CLCN4: variants seen among roughly 807,000 people sequenced by gnomAD.
The protein encoded by CLCN4 is H(+)/Cl(-) exchange transporter 4.
In CLCN4, 1 loss-of-function variant was observed where a neutral mutation model predicts 41.7. That is an observed-to-expected ratio of 0.02 (90% confidence interval 0.01 to 0.11). CLCN4 has a LOEUF of 0.11. Ranked by LOEUF, CLCN4 falls within the 10% of genes least tolerant of loss-of-function variation. The pLI, the probability that CLCN4 is intolerant of heterozygous loss-of-function variation, is 1.00. For synonymous variants in CLCN4, 277 were observed against 285.8 expected (o/e 0.97, Z 0.31); for missense variants, 287 against 661.0 (o/e 0.43, Z 6.20).
At position 10,224,248 on chromosome X, in the gene CLCN4, A is replaced by G. The variant is rs192703623; in HGVS notation, c.2192+3371A>G. Among the ~76,000 whole-genome samples, 38 of 109,406 alleles carry G rather than the reference A, an allele frequency of 3.5e-4. No individual in the cohort carries two copies. The Admixed American group carries it at 3.6e-3, about 10-fold the overall frequency. On this transcript the variant is annotated intron_variant, in intron 12 of 12. Coordinates refer to ENST00000380833, the MANE Select transcript of CLCN4 (RefSeq NM_001830.4). ...ATCTTTTGATACTGTCTCCAGGGTG[A>G]AGACAAGGAAACAAAAACCAGGATT...
At chrX:10,172,685 G>A (rs1314320184) in intron 2 of CLCN4, among the ~76,000 whole-genome samples, 1 of 52,702 alleles carries the variant, frequency 1.9e-5, no homozygotes, top group Non-Finnish European at 3.3e-5. Flanking sequence ...GAGGGCATGC[G>A]TGTGTGTGTG....
intron 9 of CLCN4, among the ~76,000 whole-genome samples, chrX:10,212,062 C>T (rs1924569781): frequency 9.0e-6 from 1 of 111,651 alleles, no homozygotes; most frequent in Non-Finnish European, 1.9e-5. Context: ...CCTTCTTTTC[C>T]ATTTTCATGC....
Position 10,176,208 on chromosome X carries a change from CT to C in CLCN4, c.-11-8813del, listed in dbSNP as rs779944588. On this transcript the variant is annotated intron_variant, in intron 2 of 12. Transcript: ENST00000380833. ...TTGGGAGGTGAGGGCCGCAAATGTG[CT>C]GGTAGCTCTGGTGCCTTGGACAGTG... 5.3e-5 allele frequency among the ~76,000 whole-genome samples: 6 copies of C among 112,358 alleles called. No homozygotes were observed. The Admixed American group carries it at 5.6e-4, about 11-fold the overall frequency.
intron 2 of CLCN4, among the ~76,000 whole-genome samples, chrX:10,161,140 TCTCTCTCTC>T (rs1923087241): frequency 9.3e-6 from 1 of 107,657 alleles, no homozygotes; most frequent in Non-Finnish European, 1.9e-5. Flanking sequence ...TCTCTCTCTC[TCTCTCTCTC>T]TCTCTCTCTC....
chrX:10,208,113 G>A lies in CLCN4; in HGVS notation c.912G>A (p.Thr304=), dbSNP rs1361783752. ...TCGCAGCCCTGGTGGCGGCCTTTAC[G>A]CTGAGATCCATCAATCCCTTTGGGA... ...SFFAALVAAF[T]LRSINPFGNS... The change falls in exon 9 of 13, where the codon ACG becomes ACA. Residue 304 remains threonine (T), a synonymous_variant. Transcript: ENST00000380833. The A allele has an allele frequency of 5.0e-6, 6 of 1,209,554 alleles. No homozygotes were observed. The highest frequency in any genetic ancestry group is 3.5e-5 in the African/African-American group (2 of 57,128).
intron 12 of CLCN4, among the ~76,000 whole-genome samples, chrX:10,223,965 T>C (rs1172815856): frequency 8.9e-6 from 1 of 111,923 alleles, no homozygotes; most frequent in African/African-American, 3.3e-5. Context: ...GGCTGGAAGT[T>C]CAAACACTTG....
chrX:10,164,582 T>C (rs892229490), intron 2 of CLCN4, among the ~76,000 whole-genome samples: 1 of 111,728 alleles, frequency 9.0e-6, no homozygotes, highest in Non-Finnish European at 1.9e-5. Context: ...GGAGGCCAGA[T>C]GGGGAGTGGC....
At chrX:10,230,657 A>T (rs1925105217) in intron 12 of CLCN4, among the ~76,000 whole-genome samples, 1 of 112,020 alleles carries the variant, frequency 8.9e-6, no homozygotes, top group Non-Finnish European at 1.9e-5. Flanking sequence ...CGCAAAGAAG[A>T]GTGCTAACAT....
rs1925181513 is a variant in CLCN4 at position 10,233,790 on chromosome X, T to A, written c.*206T>A. On this transcript the variant is annotated 3_prime_UTR_variant, in exon 13 of 13. Transcript: ENST00000380833. ...GGCATTTTATAGCTTTAACCCCGTA[T>A]GAGTTTCAAGCTGTGTTTCCTAATG... 1 of 395,943 alleles carries A rather than the reference T, an allele frequency of 2.5e-6. No homozygotes were observed. The highest frequency in any genetic ancestry group is 3.7e-5 in the South Asian group (1 of 27,289). 32.6% of individuals were successfully genotyped at this position (395,943 alleles called of 1,213,427 possible).
At chrX:10,197,083 G>T (rs1924114500) in intron 5 of CLCN4, among the ~76,000 whole-genome samples, 2 of 111,792 alleles carry the variant, frequency 1.8e-5, no homozygotes, top group South Asian at 7.4e-4. Context: ...TCTCTTTTCT[G>T]CCCCCTTTAC....
intron 2 of CLCN4, among the ~76,000 whole-genome samples, chrX:10,180,995 G>C (rs1414154458): frequency 9.1e-6 from 1 of 109,631 alleles, no homozygotes; most frequent in Non-Finnish European, 1.9e-5. Context: ...GTCTGACCAA[G>C]ACCTTGTGAA....
intron 11 of CLCN4, among the ~76,000 whole-genome samples, chrX:10,220,307 G>C (rs759537500): frequency 8.9e-6 from 1 of 112,187 alleles, no homozygotes; most frequent in Non-Finnish European, 1.9e-5. Flanking sequence ...TCCAGCCCAT[G>C]ATGAGGTGAA....
rs1259375232 is a variant in CLCN4 at position 10,175,945 on chromosome X, CCTCT to C, written c.-11-9054_-11-9051del. 1.9e-3 allele frequency among the ~76,000 whole-genome samples: 80 copies of C among 41,976 alleles called. 1 individual carries two copies. Among genetic ancestry groups the C allele is most frequent in the Non-Finnish European group, 2.1e-3 (49 of 23,053 alleles). The allele number at this position is 41,976 out of a possible 115,157, so 36.5% of individuals were successfully genotyped here. On this transcript the variant is annotated intron_variant, in intron 2 of 12. Transcript: ENST00000380833. The stretch of plus-strand genomic sequence containing the variant: ...CTCTCTCTCCCCCTCCCTCCCTCTC[CCTCT>C]CTCTCTCTCTCTCTCTCTCTCTGTG...
intron 10 of CLCN4, 139 bp from the exon 11 acceptor site, chrX:10,213,542 A>G (rs1924624578): frequency 5.3e-6 from 3 of 567,155 alleles, no homozygotes; most frequent in Non-Finnish European, 8.4e-6. Flanking sequence ...CCAGAGGCCC[A>G]GTGTAGGAAG....
At chrX:10,229,998 G>A (rs1275700027) in intron 12 of CLCN4, among the ~76,000 whole-genome samples, 1 of 112,443 alleles carries the variant, frequency 8.9e-6, no homozygotes, top group Non-Finnish European at 1.9e-5. Context: ...TACCCTTTGT[G>A]TTACAAACTA....
chrX:10,184,055 A>T (rs1260852423), intron 2 of CLCN4, among the ~76,000 whole-genome samples: 4 of 111,910 alleles, frequency 3.6e-5, no homozygotes, highest in Non-Finnish European at 7.5e-5. Flanking sequence ...CAGCATTTTC[A>T]CTGTGCCATT....
At chrX:10,216,056 T>C (rs1467078034) in intron 11 of CLCN4, among the ~76,000 whole-genome samples, 1 of 111,804 alleles carries the variant, frequency 8.9e-6, no homozygotes, top group Non-Finnish European at 1.9e-5. Context: ...TGAGGAATCT[T>C]GTGCCATTTT....
At chrX:10,222,151 T>C (rs1924876943) in intron 12 of CLCN4, among the ~76,000 whole-genome samples, 1 of 112,867 alleles carries the variant, frequency 8.9e-6, no homozygotes, top group Admixed American at 9.3e-5. Flanking sequence ...GCCACTTTTG[T>C]TTTGTGTTGT....
chrX:10,178,439 C>T (rs1923589509), intron 2 of CLCN4, among the ~76,000 whole-genome samples: 1 of 111,654 alleles, frequency 9.0e-6, no homozygotes, highest in Non-Finnish European at 1.9e-5. Context: ...AGTTGACAGG[C>T]AGGGGGAATG....
Sources: allele counts gnomAD v4.1 joint callset (sites outside exome capture counted in the v4.1 genomes callset), GRCh38; gene constraint gnomAD v4.1.1; transcripts MANE v1.5; gene names NCBI Gene and HGNC (gene_info 2026-07-23, HGNC 2026-07-21).